The following COL4A1 variants were observed in gnomAD, a reference collection of about 807,000 sequenced individuals.
COL4A1 encodes collagen alpha-1(IV) chain.
In COL4A1, 40 loss-of-function variants were observed where a neutral mutation model predicts 216.6. That is an observed-to-expected ratio of 0.18 (90% CI 0.14 to 0.24). The LOEUF (loss-of-function observed/expected upper bound fraction) is 0.24. Ranked by LOEUF, COL4A1 falls within the 10% of genes least tolerant of loss-of-function variation. COL4A1 has a pLI of 1.00. For synonymous variants in COL4A1, 839 were observed against 810.7 expected, an observed-to-expected ratio of 1.03 and a Z score of -0.59; for missense variants, 1,628 against 2,196.8, an observed-to-expected ratio of 0.74 and a Z score of 5.18.
chr13:110,185,109 G>A (rs2172725), intron 26 of COL4A1, among the ~76,000 whole-genome samples: 53,492 of 152,096 alleles, frequency 0.35, 9,418 homozygotes, highest in East Asian at 0.45. Context: ...CGTGGTTATT[G>A]TTGGGTATTT....
At chr13:110,218,214 G>GC (rs5806842) in intron 2 of COL4A1, among the ~76,000 whole-genome samples, 1 of 152,062 alleles carries the variant, frequency 6.6e-6, no homozygotes, top group Non-Finnish European at 1.5e-5. Context: ...ACTGTCAAAG[G>GC]CCTGTTTCAG....
In COL4A1 at chr13:110,206,982, C is replaced by A. The variant is rs1594581277; in HGVS notation, c.781-91G>T. ...AAACACACAGCAGAAAAAAAAAAAACCTTTTTCTGATATATTAACAAAGAA... is the reference window on the plus strand; with the variant it reads ...AAACACACAGCAGAAAAAAAAAAAAACTTTTTCTGATATATTAACAAAGAA... On this transcript the variant is annotated intron_variant, in intron 13 of 51. Coordinates refer to ENST00000375820, the MANE Select transcript of COL4A1 (RefSeq NM_001845.6). 25 of 1,231,088 alleles carry A rather than the reference C, an allele frequency of 2.0e-5. No homozygotes were observed. In the East Asian group the frequency reaches 3.8e-4, roughly 19 times the overall value. 76.3% of individuals were successfully genotyped at this position (1,231,088 alleles called of 1,614,324 possible).
At chr13:110,164,711 T>TA (rs1418594121) in intron 46 of COL4A1, 151 bp downstream of exon 46, 1 of 1,189,856 alleles carries the variant, frequency 8.4e-7, no homozygotes, top group East Asian at 2.7e-5. Context: ...TAGGTTTTGA[T>TA]ATGCATTGAA....
chr13:110,220,977 T>G (rs981152531), intron 2 of COL4A1, among the ~76,000 whole-genome samples: 6 of 152,224 alleles, frequency 3.9e-5, no homozygotes, highest in Non-Finnish European at 8.8e-5. Context: ...AGGTCCACCC[T>G]GTGCTCAGCG....
At chr13:110,156,416 G>T (rs1016961685) in intron 49 of COL4A1, among the ~76,000 whole-genome samples, 1 of 152,340 alleles carries the variant, frequency 6.6e-6, no homozygotes, top group East Asian at 1.9e-4. Context: ...ACTTAAGGCT[G>T]AATGTCCACA....
At chr13:110,298,188 T>C (rs1006388526) in intron 1 of COL4A1, among the ~76,000 whole-genome samples, 1 of 152,218 alleles carries the variant, frequency 6.6e-6, no homozygotes, top group African/African-American at 2.4e-5. Context: ...AATACAATCT[T>C]ATTATTTTCA....
At chr13:110,304,548 T>C (rs1256758408) in intron 1 of COL4A1, among the ~76,000 whole-genome samples, 1 of 152,158 alleles carries the variant, frequency 6.6e-6, no homozygotes, top group East Asian at 1.9e-4. Flanking sequence ...GTGCTCACAA[T>C]CAGAACACTG....
At chr13:110,206,608 A>G (rs1409097111) in intron 15 of COL4A1, 57 bp downstream of exon 15, 25 of 1,585,496 alleles carry the variant, frequency 1.6e-5, no homozygotes, top group Non-Finnish European at 2.2e-5. Flanking sequence ...TGAATCTGCG[A>G]TTTTCCGCAT....
rs199822852 is a variant in COL4A1, at chr13:110,201,530, G to A, written c.1000-8C>T. ...AGGTCCTGTGCCTATAACCTGAATC[G>A]AGAAGGAAAAGGTGATCATCCCGTG... On this transcript the variant is annotated splice_region_variant and splice_polypyrimidine_tract_variant and intron_variant, in intron 18 of 51. Transcript: ENST00000375820. The A allele has an allele frequency of 5.5e-5, 89 of 1,613,460 alleles. 1 individual carries two copies. In the Admixed American group the frequency reaches 5.8e-4, roughly 11 times the overall value.
chr13:110,169,807 C>A, intron 42 of COL4A1, 45 bp from the exon 43 acceptor site: 1 of 1,612,632 alleles, frequency 6.2e-7, no homozygotes, highest in Non-Finnish European at 8.5e-7. Flanking sequence ...TAAATATGCA[C>A]AAGTGTCCCT....
At chr13:110,252,268 C>G (rs892862474) in intron 1 of COL4A1, among the ~76,000 whole-genome samples, 28 of 151,948 alleles carry the variant, frequency 1.8e-4, no homozygotes, top group Non-Finnish European at 2.9e-5. Flanking sequence ...AGGTGAACCA[C>G]CCACCTCAGC....
In COL4A1 at chr13:110,192,746, T is replaced by C. The variant is rs1594566661; in HGVS notation, c.1465+84A>G. On this transcript the variant is annotated intron_variant, in intron 23 of 51. Transcript: ENST00000375820. ...ATTGGCTGCCGAAAATCAGGCCTTCTATGGAGTGAAATCCCTTTCACAGGA... is the reference window on the plus strand; with the variant it reads ...ATTGGCTGCCGAAAATCAGGCCTTCCATGGAGTGAAATCCCTTTCACAGGA... 15 of 1,216,564 alleles carry C rather than the reference T, an allele frequency of 1.2e-5. No homozygotes were observed. The East Asian group carries it at 3.3e-4, about 26-fold the overall frequency. The allele number at this position is 1,216,564 out of a possible 1,614,324, so 75.4% of individuals were successfully genotyped here.
At position 110,268,040 on chromosome 13, in the gene COL4A1, C is replaced by T. The variant is rs1470053521; in HGVS notation, c.85-25306G>A. Among the ~76,000 whole-genome samples the T allele has an allele frequency of 6.6e-6, 1 of 152,018 alleles. No individual in the cohort carries two copies. The highest frequency in any genetic ancestry group is 2.4e-5 in the African/African-American group (1 of 41,376). ...AAAAAAAAAATACAGAAAAAAGAAA[C>T]TCTCTGGAAAGCAGTGGTCACAAAG... On this transcript the variant is annotated intron_variant, in intron 1 of 51. Coordinates refer to ENST00000375820, the MANE Select transcript of COL4A1 (RefSeq NM_001845.6). This position sits in a 1 kb window ranked among gnomAD's most constrained non-coding sequence, Gnocchi z 4.1.
At chr13:110,236,623 A>G (rs1305218330) in intron 2 of COL4A1, among the ~76,000 whole-genome samples, 1 of 152,116 alleles carries the variant, frequency 6.6e-6, no homozygotes, top group Non-Finnish European at 1.5e-5. Context: ...CGTCCTGGGT[A>G]ATCGCGGAGA....
chr13:110,247,592 G>T (rs1392338095), intron 1 of COL4A1, among the ~76,000 whole-genome samples: 1 of 152,132 alleles, frequency 6.6e-6, no homozygotes, highest in African/African-American at 2.4e-5. Context: ...AAAGAAGAAA[G>T]GGGAGGAAGA....
chr13:110,285,456 C>T (rs1883803885), intron 1 of COL4A1, among the ~76,000 whole-genome samples: 1 of 152,202 alleles, frequency 6.6e-6, no homozygotes, highest in African/African-American at 2.4e-5. Flanking sequence ...AATACTACCA[C>T]TCATAATAAA....
chr13:110,225,820 G>T (rs2139224455), intron 2 of COL4A1, among the ~76,000 whole-genome samples: 1 of 152,270 alleles, frequency 6.6e-6, no homozygotes, highest in African/African-American at 2.4e-5. Context: ...TGGAATTCTG[G>T]TGCTGGCTCC....
chr13:110,178,857 C>A (rs1198044762), intron 31 of COL4A1, 66 bp downstream of exon 31: 1 of 1,256,696 alleles, frequency 8.0e-7, no homozygotes, highest in Admixed American at 1.9e-5. Flanking sequence ...GGACCCCGGC[C>A]TCATCCCCCA....
At chr13:110,285,383 G>T (rs1036720640) in intron 1 of COL4A1, among the ~76,000 whole-genome samples, 3 of 152,182 alleles carry the variant, frequency 2.0e-5, no homozygotes, top group East Asian at 3.9e-4. Flanking sequence ...TTTTGGCTCT[G>T]CCTTTGTACC....
Sources: allele counts gnomAD v4.1 joint callset (sites outside exome capture counted in the v4.1 genomes callset), GRCh38; gene constraint gnomAD v4.1.1; non-coding constraint Gnocchi (gnomAD v3.1); transcripts MANE v1.5; gene names NCBI Gene and HGNC (gene_info 2026-07-23, HGNC 2026-07-21).